CEBPZ: variants seen among roughly 807,000 people sequenced by gnomAD.
The protein encoded by CEBPZ is CCAAT enhancer binding protein zeta.
A neutral mutation model predicts 104.5 loss-of-function variants in CEBPZ; 78 were observed. The ratio of observed to expected loss-of-function variants is 0.75; its 90% CI spans 0.62 to 0.90. CEBPZ has a LOEUF of 0.90. Ranked by LOEUF, CEBPZ falls within the 40% of genes least tolerant of loss-of-function variation. CEBPZ has a pLI of 0.00. For synonymous variants in CEBPZ, 470 were observed against 427.0 expected, an observed-to-expected ratio of 1.10 and a Z score of -1.24; for missense variants, 1,439 against 1,233.5, an observed-to-expected ratio of 1.17 and a Z score of -2.50.
intron 13 of CEBPZ, chr2:37,210,665 A>G (rs1057429941): frequency 4.9e-6 from 1 of 203,616 alleles, no homozygotes; most frequent in Non-Finnish European, 1.0e-5. Context: ...CATTGGGTGC[A>G]GTGTACTGCT....
rs1664798226 is a variant in CEBPZ, at chr2:37,222,561, C to A, written c.1884G>T (p.Glu628Asp). The part of the protein sequence containing the change: ...GLRSQLDDHP[E>D]SDDEENFIDA... ...CAATAAAATTTTCTTCATCATCAGA[C>A]TCCTAACAAAAGTATAGTTTCATAA... Residue 628 changes from glutamate (E) to aspartate (D), a missense_variant and splice_region_variant, in exon 4 of 16, where the codon GAG (glutamate) becomes GAT (aspartate). Glu to Asp is a conservative substitution (Grantham distance 45). Coordinates refer to ENST00000234170, the MANE Select transcript of CEBPZ (RefSeq NM_005760.3). 1 of 1,578,842 alleles carries A rather than the reference C, an allele frequency of 6.3e-7. No homozygotes were observed. The highest frequency in any genetic ancestry group is 1.4e-5 in the African/African-American group (1 of 72,706).
In CEBPZ at chr2:37,208,050, G is replaced by GA. The variant is rs548940134; in HGVS notation, c.2884+2948dup. On this transcript the variant is annotated intron_variant, in intron 13 of 15. Transcript: ENST00000234170. ...ATGCACAAAAACTAGAAAACCTAGA[G>GA]AAAAATGGATAAATTCCTGGAAATA... Among the ~76,000 whole-genome samples, 15 of 152,082 alleles carry GA rather than the reference G, an allele frequency of 9.9e-5. No homozygotes were observed. In the South Asian group the frequency reaches 3.1e-3, roughly 32 times the overall value.
intron 13 of CEBPZ, among the ~76,000 whole-genome samples, chr2:37,205,990 T>G (rs1677526803): frequency 6.6e-6 from 1 of 152,218 alleles, no homozygotes; most frequent in Admixed American, 6.5e-5. Context: ...AATGCAAGGC[T>G]TTTATAATTG....
Position 37,231,516 on chromosome 2 carries a change from G to A in CEBPZ, c.52C>T (p.Pro18Ser), listed in dbSNP as rs774817509. Residue 18 changes from proline to serine, a missense_variant, in exon 1 of 16, where the codon CCC (proline) becomes TCC (serine). Transcript: ENST00000234170. Reference protein sequence around the residue: ...LEFHAKRPWRPEEAVEDPDEE... With the variant: ...LEFHAKRPWRSEEAVEDPDEE... ...TCCGGATCTTCTACTGCCTCCTCGG[G>A]GCGCCAAGGCCGCTTGGCATGGAAC... 1.2e-6 allele frequency: 2 copies of A among 1,614,220 alleles called. No homozygotes were observed. Among genetic ancestry groups the A allele is most frequent in the South Asian group, 2.2e-5 (2 of 91,082 alleles).
intron 1 of CEBPZ, among the ~76,000 whole-genome samples, chr2:37,230,959 G>A (rs1268062706): frequency 1.3e-5 from 2 of 152,096 alleles, no homozygotes; most frequent in Non-Finnish European, 2.9e-5. Flanking sequence ...TGTACTATGT[G>A]TTTAAAAGTT....
Position 37,229,220 on chromosome 2 carries a change from T to TAC in CEBPZ, c.157-186_157-185dup, listed in dbSNP as rs539650296. 9.4e-4 allele frequency among the ~76,000 whole-genome samples: 142 copies of TAC among 151,620 alleles called. 1 individual carries two copies. The South Asian group carries it at 0.011, about 12-fold the overall frequency. ...AATTTCTCTTTCTCTCTCTTTCTTT[T>TAC]ACACACACACACACGCACACACACT... is the stretch of plus-strand genomic sequence containing the variant. On this transcript the variant is annotated intron_variant, in intron 1 of 15. Transcript: ENST00000234170.
chr2:37,227,579 C>G lies in CEBPZ; in HGVS notation c.1614G>C (p.Gln538His), dbSNP rs764257341. The change falls in exon 2 of 16, where the codon CAG (glutamine) becomes CAC (histidine). Residue 538 changes from glutamine to histidine, a missense_variant. Gln to His is a conservative substitution (Grantham distance 24). Coordinates refer to ENST00000234170, the MANE Select transcript of CEBPZ (RefSeq NM_005760.3). ...MLLFQVMNSQQTISDRYYTAL... is the reference protein window; with the variant it reads ...MLLFQVMNSQHTISDRYYTAL... ...CTGTGTAATATCGATCCGATATTGT[C>G]TGCTGAGAATTCATTACTTGGAAAA... The G allele has an allele frequency of 3.5e-5, 56 of 1,613,160 alleles. No individual in the cohort carries two copies. Among genetic ancestry groups the G allele is most frequent in the Non-Finnish European group, 8.5e-6 (10 of 1,179,644 alleles).
chr2:37,231,198 T>A (rs1665079586), intron 1 of CEBPZ: 1 of 719,184 alleles, frequency 1.4e-6, no homozygotes, highest in East Asian at 2.8e-5. Flanking sequence ...ATCCTAAGAA[T>A]AGCCAGAGAA....
chr2:37,229,829 C>T (rs1664996983), intron 1 of CEBPZ, among the ~76,000 whole-genome samples: 1 of 152,264 alleles, frequency 6.6e-6, no homozygotes, highest in East Asian at 1.9e-4. Context: ...CAACCTCAGC[C>T]TGTAGCTGGC....
In CEBPZ at chr2:37,211,848, A is replaced by G; in HGVS notation, c.2795T>C (p.Val932Ala). 1 of 1,593,246 alleles carries G rather than the reference A, an allele frequency of 6.3e-7. No individual in the cohort carries two copies. Among genetic ancestry groups the G allele is most frequent in the East Asian group, 2.2e-5 (1 of 44,672 alleles). The change falls in exon 12 of 16, where the codon GTT (valine) becomes GCT (alanine). Residue 932 changes from valine to alanine, a missense_variant. By Grantham distance (64) the Val-to-Ala change is moderately conservative (BLOSUM62 0). Coordinates refer to ENST00000234170, the MANE Select transcript of CEBPZ (RefSeq NM_005760.3). Reference protein sequence around the residue: ...MDVLDDESESVPELEVHSKVS... With the variant: ...MDVLDDESESAPELEVHSKVS... ...TTATTTTAAAAAATGCTTACCTGGA[A>G]CGCTCTCACTTTCATCATCTAACAC...
At chr2:37,221,524 C>T (rs1664770986) in intron 4 of CEBPZ, among the ~76,000 whole-genome samples, 1 of 152,154 alleles carries the variant, frequency 6.6e-6, no homozygotes. Flanking sequence ...TCACTTGGAA[C>T]AGGTCTGACA....
At position 37,228,410 on chromosome 2, in the gene CEBPZ, G is replaced by C; in HGVS notation, c.783C>G (p.His261Gln). 1.2e-6 allele frequency: 2 copies of C among 1,614,216 alleles called. No individual in the cohort carries two copies. Among genetic ancestry groups the C allele is most frequent in the South Asian group, 2.2e-5 (2 of 91,086 alleles). ...CAAGAGTTTCTACAAACTGAAGTGT[G>C]TGAACGGCATCATCCTGAATAAGAA... ...MILLIQDDAVHTLQFVETLVN... is the reference protein window; with the variant it reads ...MILLIQDDAVQTLQFVETLVN... The change falls in exon 2 of 16, where the codon CAC (histidine) becomes CAG (glutamine). Residue 261 changes from histidine (H) to glutamine (Q), a missense_variant. Transcript: ENST00000234170.
chr2:37,213,938 T>G lies in CEBPZ; in HGVS notation c.2471A>C (p.Lys824Thr). The stretch of plus-strand genomic sequence containing the variant: ...ATCTGCATCCCGTTTTTGTTTCTCT[T>G]TAACAGCAACTTTTTTATAATACCT... ...FHRYYKKVAVKEKQKRDADEE... is the reference protein window; with the variant it reads ...FHRYYKKVAVTEKQKRDADEE... Residue 824 changes from lysine to threonine, a missense_variant, in exon 10 of 16, where the codon AAA becomes ACA. Coordinates refer to ENST00000234170, the MANE Select transcript of CEBPZ (RefSeq NM_005760.3). 6.3e-7 allele frequency: 1 copy of G among 1,580,270 alleles called. No individual in the cohort carries two copies. The highest frequency in any genetic ancestry group is 2.3e-5 in the East Asian group (1 of 44,132).
chr2:37,202,667 A>G (rs1352691630), intron 15 of CEBPZ, 117 bp downstream of exon 15: 5 of 62,588 alleles, frequency 8.0e-5, no homozygotes, highest in African/African-American at 1.4e-4. Context: ...AAAAAAAAAA[A>G]AAAAAAAAAA....
intron 13 of CEBPZ, chr2:37,204,130 T>G (rs77671550): frequency 0.025 from 3,870 of 152,244 alleles, 82 homozygotes; most frequent in Middle Eastern, 0.054. Context: ...AAGTTTTTTT[T>G]GGGTTTTATT....
intron 6 of CEBPZ, 46 bp downstream of exon 6, chr2:37,216,938 A>G: frequency 6.9e-7 from 1 of 1,443,390 alleles, no homozygotes; most frequent in South Asian, 1.2e-5. Flanking sequence ...ATCTAAAATG[A>G]TACTTTTTTT....
chr2:37,229,793 C>A (rs1182881754), intron 1 of CEBPZ, among the ~76,000 whole-genome samples: 2 of 152,190 alleles, frequency 1.3e-5, no homozygotes. Context: ...ACTGCAGCCT[C>A]AACCTCCCAG....
chr2:37,220,909 A>G (rs1043616280), intron 4 of CEBPZ, among the ~76,000 whole-genome samples: 17 of 152,180 alleles, frequency 1.1e-4, no homozygotes, highest in Middle Eastern at 3.2e-3. Flanking sequence ...AGGTGGGAGG[A>G]TCACTTGAGC....
At chr2:37,220,321 A>AGAAAG in intron 5 of CEBPZ, 64 bp downstream of exon 5, 1 of 442,782 alleles carries the variant, frequency 2.3e-6, no homozygotes, top group Admixed American at 5.4e-5. Flanking sequence ...GTCTCAAAAA[A>AGAAAG]AAAAAAAATA....
Sources: allele counts gnomAD v4.1 joint callset (sites outside exome capture counted in the v4.1 genomes callset), GRCh38; gene constraint gnomAD v4.1.1; transcripts MANE v1.5; gene names NCBI Gene and HGNC (gene_info 2026-07-23, HGNC 2026-07-21).